Variants in ADK observed in about 807,000 individuals in gnomAD.
The protein encoded by ADK is adenosine kinase, also known as N6,N6-dimethyladenosine kinase.
In ADK, 24 loss-of-function variants were observed where a neutral mutation model predicts 44.7. The ratio of observed to expected loss-of-function variants is 0.54; its 90% CI spans 0.39 to 0.76. ADK has a LOEUF of 0.76. Among genes scored for constraint, ADK ranks in the 30% least tolerant of loss-of-function variants. ADK has a pLI of 0.00. For synonymous variants in ADK, 128 were observed against 142.6 expected (o/e 0.90, Z 0.73); for missense variants, 321 against 425.1 (o/e 0.76, Z 2.15).
At chr10:74,455,755 G>A (rs1012685643) in intron 6 of ADK, among the ~76,000 whole-genome samples, 1 of 151,886 alleles carries the variant, frequency 6.6e-6, no homozygotes, top group Non-Finnish European at 1.5e-5. Flanking sequence ...TGATCCTCCC[G>A]CCCTCGGCCT....
intron 1 of ADK, among the ~76,000 whole-genome samples, chr10:74,175,422 G>A (rs1454519871): frequency 1.3e-5 from 2 of 151,020 alleles, no homozygotes; most frequent in African/African-American, 4.8e-5. Flanking sequence ...CAATACAATT[G>A]TGTTTAGTGG....
intron 7 of ADK, among the ~76,000 whole-genome samples, chr10:74,535,005 A>G (rs937970451): frequency 6.6e-6 from 1 of 152,232 alleles, no homozygotes; most frequent in African/African-American, 2.4e-5. Flanking sequence ...TAATGAGTTA[A>G]GGTTGGTTCC....
chr10:74,443,021 T>C (rs1845477970), intron 6 of ADK, among the ~76,000 whole-genome samples: 1 of 152,092 alleles, frequency 6.6e-6, no homozygotes, highest in Admixed American at 6.5e-5. Flanking sequence ...GGTAGTGGAA[T>C]GATGGGGAGA....
At chr10:74,521,270 G>T (rs1045703400) in intron 6 of ADK, among the ~76,000 whole-genome samples, 3 of 152,090 alleles carry the variant, frequency 2.0e-5, no homozygotes, top group African/African-American at 7.2e-5. Flanking sequence ...TAGTGAATTT[G>T]CCTTTTATTT....
chr10:74,366,153 CTTT>C (rs1355535334), intron 4 of ADK, among the ~76,000 whole-genome samples: 8 of 152,118 alleles, frequency 5.3e-5, no homozygotes, highest in Admixed American at 3.3e-4. Context: ...CATATTTTGA[CTTT>C]TGATGTTATC....
chr10:74,696,679 AT>A (rs1249447250), intron 10 of ADK, among the ~76,000 whole-genome samples: 8 of 151,976 alleles, frequency 5.3e-5, no homozygotes, highest in African/African-American at 1.9e-4. Context: ...CCTCATTATT[AT>A]TTTTAATGGG....
intron 5 of ADK, among the ~76,000 whole-genome samples, chr10:74,396,107 T>A (rs1236034885): frequency 3.9e-5 from 6 of 152,212 alleles, no homozygotes; most frequent in Non-Finnish European, 7.3e-5. Flanking sequence ...ATAGTGATAT[T>A]GTTGAGATGA....
intron 2 of ADK, among the ~76,000 whole-genome samples, chr10:74,204,815 A>G (rs1232589313): frequency 2.6e-5 from 4 of 151,912 alleles, no homozygotes; most frequent in African/African-American, 7.3e-5. Context: ...AGGCTGAGGC[A>G]GGTGAATCAC....
intron 9 of ADK, among the ~76,000 whole-genome samples, chr10:74,618,306 T>G (rs1161576476): frequency 6.6e-6 from 1 of 152,150 alleles, no homozygotes; most frequent in African/African-American, 2.4e-5. Flanking sequence ...TTCTTCTCAT[T>G]TAGCTTCTCG....
At chr10:74,516,512 T>G (rs1406349542) in intron 6 of ADK, among the ~76,000 whole-genome samples, 2 of 122,680 alleles carry the variant, frequency 1.6e-5, no homozygotes, top group South Asian at 2.5e-4. Flanking sequence ...TTATTGCTTT[T>G]CTTTTCTTTT....
At chr10:74,336,907 A>G (rs1592064379) in intron 4 of ADK, among the ~76,000 whole-genome samples, 1 of 152,228 alleles carries the variant, frequency 6.6e-6, no homozygotes, top group Non-Finnish European at 1.5e-5. Context: ...GTACAGACTC[A>G]ACAACTATCC....
intron 1 of ADK, among the ~76,000 whole-genome samples, chr10:74,181,495 A>G (rs1842556404): frequency 6.6e-6 from 1 of 152,210 alleles, no homozygotes; most frequent in South Asian, 2.1e-4. Flanking sequence ...AACATATTTG[A>G]TAAATTGATG....
At chr10:74,300,262 CCT>C (rs1564640680) in intron 3 of ADK, among the ~76,000 whole-genome samples, 785 of 44,488 alleles carry the variant, frequency 0.018, 27 homozygotes, top group Middle Eastern at 0.071. Context: ...CTCCTTGTTT[CCT>C]TCCTTCCTTC....
At chr10:74,176,460 C>T (rs1206257629) in intron 1 of ADK, 3 of 1,097,728 alleles carry the variant, frequency 2.7e-6, no homozygotes, top group Non-Finnish European at 2.2e-6. Context: ...ACAGTGGCCA[C>T]GTGACTGCTA....
chr10:74,512,436 T>C (rs973518081), intron 6 of ADK, among the ~76,000 whole-genome samples: 2 of 151,520 alleles, frequency 1.3e-5, no homozygotes, highest in Non-Finnish European at 3.0e-5. Context: ...GGAAGACTTT[T>C]TGTTATTAAA....
chr10:74,438,835 C>T (rs1845285499), intron 6 of ADK, among the ~76,000 whole-genome samples: 1 of 151,832 alleles, frequency 6.6e-6, no homozygotes, highest in Non-Finnish European at 1.5e-5. Context: ...TATTCTTTTC[C>T]TCCTAATTAT....
chr10:74,319,402 C>T (rs557370974), intron 4 of ADK, among the ~76,000 whole-genome samples: 7 of 152,092 alleles, frequency 4.6e-5, no homozygotes, highest in Non-Finnish European at 1.0e-4. Context: ...TGCCTCTTTG[C>T]GTGGTGGTTT....
intron 6 of ADK, among the ~76,000 whole-genome samples, chr10:74,502,043 TG>T (rs1847902158): frequency 6.6e-6 from 1 of 152,070 alleles, no homozygotes; most frequent in African/African-American, 2.4e-5. Context: ...GAAATGAAGG[TG>T]TTTCTCAAGG....
At chr10:74,302,717 G>A (rs1201779397) in intron 3 of ADK, among the ~76,000 whole-genome samples, 1 of 152,108 alleles carries the variant, frequency 6.6e-6, no homozygotes, top group African/African-American at 2.4e-5. Context: ...GTTGGCTTGA[G>A]CCTGGGAGGC....
Sources: gnomAD v4.1 joint callset for allele counts (sites outside exome capture counted in the v4.1 genomes callset) on GRCh38, gnomAD v4.1.1 for gene constraint, MANE v1.5 for transcripts, NCBI Gene and HGNC (gene_info 2026-07-23, HGNC 2026-07-21) for gene names.